Variants in NRCAM observed in about 807,000 individuals in gnomAD.
The protein encoded by NRCAM is NgCAM-related cell adhesion molecule.
A neutral mutation model predicts 156.5 loss-of-function variants in NRCAM; 83 were observed. The ratio of observed to expected loss-of-function variants is 0.53; its 90% CI spans 0.44 to 0.64. The LOEUF (loss-of-function observed/expected upper bound fraction) is 0.64, where lower values mean the gene tolerates loss of function less well. Among genes scored for constraint, NRCAM ranks in the 30% least tolerant of loss-of-function variants. NRCAM has a pLI of 0.00. For missense variants in NRCAM, 1,417 were observed against 1,597.3 expected (o/e 0.89, Z 1.92); for synonymous variants, 538 against 563.9 (o/e 0.95, Z 0.65).
chr7:108,188,957 T>C (rs768696762), intron 20 of NRCAM, among the ~76,000 whole-genome samples: 5 of 151,086 alleles, frequency 3.3e-5, no homozygotes, highest in Non-Finnish European at 5.9e-5. Flanking sequence ...TGTGACCTGA[T>C]TGTGTCTGCC....
At chr7:108,189,292 T>C (rs1173733178) in intron 20 of NRCAM, among the ~76,000 whole-genome samples, 1 of 152,198 alleles carries the variant, frequency 6.6e-6, no homozygotes, top group East Asian at 1.9e-4. Flanking sequence ...CAGCACTTGC[T>C]CCTCCTAACA....
chr7:108,449,612 A>G (rs554408968), intron 1 of NRCAM, among the ~76,000 whole-genome samples: 1 of 152,368 alleles, frequency 6.6e-6, no homozygotes, highest in South Asian at 2.1e-4. Flanking sequence ...ATGGGAGATT[A>G]GTACTTCCCC....
intron 29 of NRCAM, 95 bp from the exon 30 acceptor site, chr7:108,167,168 G>T: frequency 1.1e-6 from 1 of 888,318 alleles, no homozygotes; most frequent in Non-Finnish European, 1.7e-6. Flanking sequence ...ATAAGCTAAA[G>T]ACAAGATGTA....
chr7:108,347,315 C>T (rs1206933687), intron 2 of NRCAM, among the ~76,000 whole-genome samples: 11 of 152,070 alleles, frequency 7.2e-5, no homozygotes, highest in Non-Finnish European at 1.2e-4. Context: ...GGATTATAGG[C>T]GTGAGCCACC....
intron 12 of NRCAM, 79 bp from the exon 13 acceptor site, chr7:108,207,738 A>G (rs2081933249): frequency 2.4e-6 from 3 of 1,246,810 alleles, no homozygotes; most frequent in East Asian, 4.8e-5. Flanking sequence ...AACTATTTTA[A>G]TAATACAAGC....
chr7:108,158,087 A>G (rs1661558791), intron 32 of NRCAM, among the ~76,000 whole-genome samples: 1 of 152,168 alleles, frequency 6.6e-6, no homozygotes, highest in African/African-American at 2.4e-5. Flanking sequence ...CTACTCATCC[A>G]GATGCCCTAG....
At chr7:108,189,892 C>T (rs1280544603) in intron 19 of NRCAM, 146 bp from the exon 20 acceptor site, 5 of 541,844 alleles carry the variant, frequency 9.2e-6, no homozygotes, top group Non-Finnish European at 1.3e-5. Flanking sequence ...GAAATGTGCA[C>T]AGCTGAGGCT....
intron 2 of NRCAM, among the ~76,000 whole-genome samples, chr7:108,378,678 CA>C (rs1563518980): frequency 1.4e-5 from 2 of 144,176 alleles, no homozygotes; most frequent in African/African-American, 5.3e-5. Flanking sequence ...CACACACACA[CA>C]CACACACACA....
intron 32 of NRCAM, among the ~76,000 whole-genome samples, chr7:108,158,163 G>A (rs1267119027): frequency 3.3e-5 from 5 of 152,024 alleles, no homozygotes; most frequent in Non-Finnish European, 7.4e-5. Context: ...GGGTGTGGAC[G>A]CTGCATGAGG....
intron 1 of NRCAM, among the ~76,000 whole-genome samples, chr7:108,451,187 C>G (rs1312659525): frequency 6.6e-6 from 1 of 151,162 alleles, no homozygotes; most frequent in Non-Finnish European, 1.5e-5. Flanking sequence ...GCATTGCACT[C>G]CAGCCCAAGT....
chr7:108,420,842 G>A (rs1306831320), intron 1 of NRCAM, among the ~76,000 whole-genome samples: 1 of 152,150 alleles, frequency 6.6e-6, no homozygotes, highest in Non-Finnish European at 1.5e-5. Flanking sequence ...AGCTCTTTAA[G>A]GAAGCATCTT....
At chr7:108,315,047 A>C (rs1221365110) in intron 2 of NRCAM, among the ~76,000 whole-genome samples, 1 of 152,032 alleles carries the variant, frequency 6.6e-6, no homozygotes, top group Non-Finnish European at 1.5e-5. Flanking sequence ...ACACTCTTCA[A>C]AATAAATACA....
chr7:108,396,603 G>T (rs911866457), intron 2 of NRCAM, among the ~76,000 whole-genome samples: 1 of 152,158 alleles, frequency 6.6e-6, no homozygotes, highest in East Asian at 1.9e-4. Flanking sequence ...CCAACACAAA[G>T]AAATCATAAA....
chr7:108,306,776 C>A (rs1488770014), intron 3 of NRCAM, among the ~76,000 whole-genome samples: 1 of 152,142 alleles, frequency 6.6e-6, no homozygotes, highest in Admixed American at 6.5e-5. Context: ...AACAGAATTA[C>A]CCTGTCTGGC....
chr7:108,338,147 T>C (rs533802993), intron 2 of NRCAM, among the ~76,000 whole-genome samples: 4 of 152,234 alleles, frequency 2.6e-5, no homozygotes, highest in African/African-American at 7.2e-5. Flanking sequence ...TTCCCGGCAG[T>C]AGCCGGTTGA....
chr7:108,291,363 G>A (rs1258500188), intron 3 of NRCAM, among the ~76,000 whole-genome samples: 1 of 152,158 alleles, frequency 6.6e-6, no homozygotes, highest in Non-Finnish European at 1.5e-5. Context: ...AAAATAGCCA[G>A]CGAACAAGCA....
At chr7:108,170,020 CATT>C (rs1460237373) in intron 28 of NRCAM, among the ~76,000 whole-genome samples, 2 of 151,994 alleles carry the variant, frequency 1.3e-5, no homozygotes, top group Non-Finnish European at 2.9e-5. Context: ...CTAAACTGTT[CATT>C]ATTATTATTT....
chr7:108,421,375 A>C (rs1032539722), intron 1 of NRCAM, among the ~76,000 whole-genome samples: 19 of 152,318 alleles, frequency 1.2e-4, no homozygotes, highest in African/African-American at 4.1e-4. Flanking sequence ...CAATGTTTAC[A>C]TGTCTCATGA....
chr7:108,215,988 G>A (rs2088429637), intron 11 of NRCAM, among the ~76,000 whole-genome samples: 1 of 152,126 alleles, frequency 6.6e-6, no homozygotes, highest in Admixed American at 6.5e-5. Flanking sequence ...GTTAGTTGAT[G>A]CAGTTTCTTC....
Sources: allele counts gnomAD v4.1 joint callset (sites outside exome capture counted in the v4.1 genomes callset), GRCh38; gene constraint gnomAD v4.1.1; transcripts MANE v1.5; gene names NCBI Gene and HGNC (gene_info 2026-07-23, HGNC 2026-07-21).